Variants in CACNB4 observed in about 807,000 individuals in gnomAD.
CACNB4 encodes calcium voltage-gated channel auxiliary subunit beta 4.
A neutral mutation model predicts 71.2 loss-of-function variants in CACNB4; 32 were observed. That is an observed-to-expected ratio of 0.45 (90% CI 0.34 to 0.60). The LOEUF (loss-of-function observed/expected upper bound fraction) is 0.60. Among genes scored for constraint, CACNB4 ranks in the 20% least tolerant of loss-of-function variants. CACNB4 has a pLI of 0.01. For missense variants in CACNB4, 464 were observed against 647.9 expected, an observed-to-expected ratio of 0.72 and a Z score of 3.08; for synonymous variants, 231 against 236.9, an observed-to-expected ratio of 0.97 and a Z score of 0.23.
intron 2 of CACNB4, among the ~76,000 whole-genome samples, chr2:152,079,756 A>C (rs971108035): frequency 1.3e-5 from 2 of 152,200 alleles, no homozygotes; most frequent in African/African-American, 4.8e-5. Context: ...ACTGTGCTCC[A>C]GCCTGGGTAA....
intron 6 of CACNB4, 105 bp from the exon 7 acceptor site, chr2:151,870,966 C>T: frequency 1.3e-6 from 1 of 777,708 alleles, no homozygotes; most frequent in East Asian, 2.7e-5. Context: ...CTGTAATTAT[C>T]TTCACCACCT....
intron 2 of CACNB4, among the ~76,000 whole-genome samples, chr2:151,998,379 T>C (rs1002537582): frequency 1.4e-5 from 2 of 147,518 alleles, no homozygotes. Flanking sequence ...CTGGAAAATA[T>C]GCGATAAGTA....
chr2:151,880,893 T>C lies in CACNB4; in HGVS notation c.297A>G (p.Thr99=). The C allele has an allele frequency of 6.2e-7, 1 of 1,613,394 alleles. No individual in the cohort carries two copies. Residue 99 remains threonine (T), a synonymous_variant, in exon 4 of 14, where the codon ACA becomes ACG. Transcript: ENST00000539935. ...CCAGGGCGCCGCAGTAGCTCACATT[T>C]GTCTTCACGGCAAATGCTACAGGTT... ...KSKPVAFAVK[T]NVSYCGALDE...
At chr2:151,845,968 C>T (rs1215991602) in intron 12 of CACNB4, among the ~76,000 whole-genome samples, 5 of 152,104 alleles carry the variant, frequency 3.3e-5, no homozygotes, top group Non-Finnish European at 7.3e-5. Context: ...ATGCCTCTAG[C>T]TCATTTAGTG....
chr2:151,967,485 T>C (rs919901100), intron 2 of CACNB4: 1 of 152,202 alleles, frequency 6.6e-6, no homozygotes, highest in Admixed American at 6.5e-5. Flanking sequence ...TTAAGTCTTA[T>C]GGAGATTTAA....
intron 13 of CACNB4, among the ~76,000 whole-genome samples, chr2:151,841,054 C>G (rs2099836084): frequency 6.6e-6 from 1 of 152,214 alleles, no homozygotes; most frequent in Non-Finnish European, 1.5e-5. Context: ...ACACGTGCCA[C>G]AGCCACTTAC....
chr2:151,999,732 C>T (rs964366024), intron 2 of CACNB4, among the ~76,000 whole-genome samples: 2 of 152,158 alleles, frequency 1.3e-5, no homozygotes, highest in African/African-American at 4.8e-5. Flanking sequence ...GGCTATGCCA[C>T]CCAAAAAGTT....
At chr2:152,022,311 T>C (rs1355924922) in intron 2 of CACNB4, among the ~76,000 whole-genome samples, 2 of 152,170 alleles carry the variant, frequency 1.3e-5, no homozygotes, top group Non-Finnish European at 2.9e-5. Flanking sequence ...ACTCAGCCCG[T>C]AGCCATCAAG....
intron 2 of CACNB4, among the ~76,000 whole-genome samples, chr2:152,065,791 C>A (rs115140491): frequency 6.6e-6 from 1 of 152,112 alleles, no homozygotes; most frequent in African/African-American, 2.4e-5. Context: ...CTCTGTTGCT[C>A]AGGCTGGAAT....
chr2:151,967,489 G>A (rs1416119868), intron 2 of CACNB4: 1 of 152,098 alleles, frequency 6.6e-6, no homozygotes, highest in East Asian at 1.9e-4. Flanking sequence ...GTCTTATGGA[G>A]ATTTAAAAAG....
At chr2:151,973,962 A>G (rs1275203097) in intron 2 of CACNB4, 1 of 1,232,036 alleles carries the variant, frequency 8.1e-7, no homozygotes, top group African/African-American at 1.5e-5. Context: ...CCCTTCCTCA[A>G]CCACAGACTG....
intron 2 of CACNB4, among the ~76,000 whole-genome samples, chr2:152,038,881 T>C (rs1684733731): frequency 6.6e-6 from 1 of 152,124 alleles, no homozygotes; most frequent in Non-Finnish European, 1.5e-5. Context: ...TTCCCAGCCC[T>C]GTATGTCCCC....
chr2:152,089,209 C>A (rs1687836231), intron 2 of CACNB4, among the ~76,000 whole-genome samples: 1 of 152,168 alleles, frequency 6.6e-6, no homozygotes, highest in South Asian at 2.1e-4. Flanking sequence ...TCATGAAGTA[C>A]AAGGGCAACT....
chr2:151,841,985 C>T lies in CACNB4; in HGVS notation c.1220G>A (p.Ser407Asn), dbSNP rs1351850634. 1 of 1,613,754 alleles carries T rather than the reference C, an allele frequency of 6.2e-7. No homozygotes were observed. The highest frequency in any genetic ancestry group is 1.3e-5 in the African/African-American group (1 of 74,910). ...TCCCAGCAGCGGGGTCATGGGTGTG[C>T]TACTGGTTGTGTGGGTGGCACGCCA... ...AYWRATHTTS[S>N]TPMTPLLGRN... Residue 407 changes from serine (S) to asparagine (N), a missense_variant, in exon 13 of 14, where the codon AGC (serine) becomes AAC (asparagine). Transcript: ENST00000539935.
intron 2 of CACNB4, among the ~76,000 whole-genome samples, chr2:152,065,083 T>C (rs1320154592): frequency 6.6e-6 from 1 of 152,196 alleles, no homozygotes; most frequent in East Asian, 1.9e-4. Flanking sequence ...TTTACTTGCA[T>C]GTCTGTCCCC....
rs866097771 is a variant in CACNB4, at chr2:152,067,391, G to T, written c.147+30939C>A. 9.5e-4 allele frequency among the ~76,000 whole-genome samples: 137 copies of T among 144,582 alleles called. 1 individual carries two copies. Among genetic ancestry groups the T allele is most frequent in the South Asian group, 5.0e-3 (23 of 4,560 alleles). 94.9% of individuals were successfully genotyped at this position (144,582 alleles called of 152,430 possible). On this transcript the variant is annotated intron_variant, in intron 2 of 13. Coordinates refer to ENST00000539935, the MANE Select transcript of CACNB4 (RefSeq NM_000726.5). ...TTTTTATAGAGATGTGTGTGTGTGG[G>T]GGGGGGGGTGCCTCTCACTGTGTTG...
In CACNB4 at chr2:151,986,273, C is replaced by G. The variant is rs189407160; in HGVS notation, c.148-102903G>C. ...AAAAAGTAATCTAAACACTGATATG[C>G]CTTTTACTTATATACCCAACACCTG... On this transcript the variant is annotated intron_variant, in intron 2 of 13. Coordinates refer to ENST00000539935, the MANE Select transcript of CACNB4 (RefSeq NM_000726.5). 2.6e-5 allele frequency among the ~76,000 whole-genome samples: 4 copies of G among 152,226 alleles called. No individual in the cohort carries two copies. In the East Asian group the frequency reaches 7.7e-4, roughly 29 times the overall value.
At position 152,026,670 on chromosome 2, in the gene CACNB4, G is replaced by A. The variant is rs556747823; in HGVS notation, c.147+71660C>T. Reference sequence around the variant, plus strand: ...GCTGAGATTACAGCCATGAGCCACTGCACTCGGCCTCCACTCCCTTTTACT... The same window carrying A: ...GCTGAGATTACAGCCATGAGCCACTACACTCGGCCTCCACTCCCTTTTACT... On this transcript the variant is annotated intron_variant, in intron 2 of 13. Transcript: ENST00000539935. Among the ~76,000 whole-genome samples the A allele has an allele frequency of 5.9e-5, 9 of 152,192 alleles. No homozygotes were observed. In the South Asian group the frequency reaches 1.9e-3, roughly 32 times the overall value.
intron 2 of CACNB4, among the ~76,000 whole-genome samples, chr2:152,007,803 G>A (rs149765429): frequency 0.017 from 2,625 of 150,250 alleles, 91 homozygotes; most frequent in African/African-American, 0.06. Context: ...ACGGAGTCTC[G>A]CTCTGTCACC....
Sources: allele counts gnomAD v4.1 joint callset (sites outside exome capture counted in the v4.1 genomes callset), GRCh38; gene constraint gnomAD v4.1.1; transcripts MANE v1.5; gene names NCBI Gene and HGNC (gene_info 2026-07-23, HGNC 2026-07-21).